NKAIN3: variants seen among roughly 807,000 people sequenced by gnomAD.
The protein encoded by NKAIN3 is sodium/potassium-transporting ATPase subunit beta-1-interacting protein 3.
In NKAIN3, 25 loss-of-function variants were observed where a neutral mutation model predicts 30.2. The ratio of observed to expected loss-of-function variants is 0.83; its 90% confidence interval spans 0.60 to 1.16. The LOEUF (loss-of-function observed/expected upper bound fraction) is 1.16. Ranked by LOEUF, NKAIN3 falls within the 50% of genes most tolerant of loss-of-function variation. The probability of loss-of-function intolerance (pLI) is 0.00; values close to 1 mark genes in which losing one functional copy is unlikely to be tolerated. For synonymous variants in NKAIN3, 91 were observed against 89.6 expected (o/e 1.02, Z -0.09); for missense variants, 225 against 254.1 (o/e 0.89, Z 0.78).
At chr8:62,424,203 G>C (rs1255529496) in intron 1 of NKAIN3, among the ~76,000 whole-genome samples, 3 of 151,864 alleles carry the variant, frequency 2.0e-5, no homozygotes, top group Non-Finnish European at 4.4e-5. Context: ...ACCTGAAACT[G>C]TAAAACCACT....
chr8:62,381,991 A>C (rs1024224630), intron 1 of NKAIN3, among the ~76,000 whole-genome samples: 7 of 152,150 alleles, frequency 4.6e-5, no homozygotes, highest in Non-Finnish European at 8.8e-5. Flanking sequence ...TAGGGACTGC[A>C]CAGCATTCAG....
At chr8:62,523,690 G>T (rs1024747470) in intron 1 of NKAIN3, among the ~76,000 whole-genome samples, 1 of 152,106 alleles carries the variant, frequency 6.6e-6, no homozygotes, top group Admixed American at 6.5e-5. Context: ...GGCCCTCCAA[G>T]GTACCTCAGT....
chr8:62,627,834 G>T (rs1811837185), intron 3 of NKAIN3, among the ~76,000 whole-genome samples: 1 of 152,112 alleles, frequency 6.6e-6, no homozygotes, highest in South Asian at 2.1e-4. Context: ...GAAGTAGACT[G>T]CTTCTACCCC....
chr8:62,287,956 T>C (rs1813435062), intron 1 of NKAIN3, among the ~76,000 whole-genome samples: 1 of 152,322 alleles, frequency 6.6e-6, no homozygotes, highest in Non-Finnish European at 1.5e-5. Context: ...CACTTCCTAG[T>C]TTCCACGTGT....
chr8:62,805,648 A>G (rs1160930265), intron 4 of NKAIN3, among the ~76,000 whole-genome samples: 1 of 152,200 alleles, frequency 6.6e-6, no homozygotes, highest in Non-Finnish European at 1.5e-5. Context: ...TACAAAAATT[A>G]ATTCACGATG....
At chr8:62,865,382 T>G (rs1225207868) in intron 4 of NKAIN3, among the ~76,000 whole-genome samples, 1 of 152,212 alleles carries the variant, frequency 6.6e-6, no homozygotes, top group Non-Finnish European at 1.5e-5. Flanking sequence ...TGACTCTCAT[T>G]CTTTAACAGG....
chr8:62,706,177 G>C (rs568895493), intron 3 of NKAIN3, among the ~76,000 whole-genome samples: 1 of 152,242 alleles, frequency 6.6e-6, no homozygotes, highest in Admixed American at 6.5e-5. Flanking sequence ...GTAGAAGAAA[G>C]AGCTGGGGGT....
At chr8:62,641,529 A>G (rs1232134057) in intron 3 of NKAIN3, among the ~76,000 whole-genome samples, 1 of 152,186 alleles carries the variant, frequency 6.6e-6, no homozygotes, top group African/African-American at 2.4e-5. Context: ...GGTTTTTGAT[A>G]AGTGGTTGGG....
Position 62,369,764 on chromosome 8 carries a change from T to G in NKAIN3, c.54+120637T>G, listed in dbSNP as rs766703187. Among the ~76,000 whole-genome samples, 68 of 149,942 alleles carry G rather than the reference T, an allele frequency of 4.5e-4. 1 individual carries two copies. The highest frequency in any genetic ancestry group is 9.1e-4 in the Non-Finnish European group (61 of 67,232). ...TTTGAACTCCCCCCAAGTCTGTTGT[T>G]TTTTTTTTTAAGAGAATTGTAACTA... On this transcript the variant is annotated intron_variant, in intron 1 of 6. Transcript: ENST00000623646.
chr8:62,789,124 A>G (rs946681143), intron 4 of NKAIN3, among the ~76,000 whole-genome samples: 2 of 152,096 alleles, frequency 1.3e-5, no homozygotes, highest in African/African-American at 4.8e-5. Flanking sequence ...TACCTTGGGC[A>G]GTATGGCCAT....
At chr8:62,438,580 G>T (rs530789858) in intron 1 of NKAIN3, among the ~76,000 whole-genome samples, 1 of 151,650 alleles carries the variant, frequency 6.6e-6, no homozygotes, top group East Asian at 1.9e-4. Flanking sequence ...TTTTTTCTTT[G>T]AGAAGGAGGC....
chr8:62,859,507 C>CAAAAAAAAAAAAAAAAAAAAAAAAAAAAA (rs1563597734), intron 4 of NKAIN3, among the ~76,000 whole-genome samples: 1 of 9,934 alleles, frequency 1.0e-4, no homozygotes, highest in Admixed American at 9.8e-4. Flanking sequence ...CTTACTTCAA[C>CAAAAAAAAAAAAAAAAAAAAAAAAAAAAA]TAAAAAAAAA....
intron 4 of NKAIN3, among the ~76,000 whole-genome samples, chr8:62,822,728 C>T (rs1032008847): frequency 2.6e-5 from 4 of 152,072 alleles, no homozygotes; most frequent in East Asian, 3.9e-4. Flanking sequence ...TTCCTTTTGC[C>T]GAAGGTGTTT....
At chr8:62,804,021 G>T (rs947395727) in intron 4 of NKAIN3, among the ~76,000 whole-genome samples, 1 of 152,168 alleles carries the variant, frequency 6.6e-6, no homozygotes, top group Non-Finnish European at 1.5e-5. Context: ...TAGCAGAAAT[G>T]GATAAATTCC....
intron 1 of NKAIN3, among the ~76,000 whole-genome samples, chr8:62,574,581 A>G (rs2130035504): frequency 6.6e-6 from 1 of 152,272 alleles, no homozygotes; most frequent in African/African-American, 2.4e-5. Flanking sequence ...ACAGACACAT[A>G]GATTAATGGA....
chr8:62,526,694 A>T (rs888242840), intron 1 of NKAIN3, among the ~76,000 whole-genome samples: 4 of 152,106 alleles, frequency 2.6e-5, no homozygotes, highest in Admixed American at 6.6e-5. Flanking sequence ...ATTAGATCTA[A>T]AATGGACTTC....
At chr8:62,733,344 A>C (rs767025778) in intron 3 of NKAIN3, among the ~76,000 whole-genome samples, 34 of 152,296 alleles carry the variant, frequency 2.2e-4, no homozygotes, top group Middle Eastern at 3.4e-3. Context: ...ACACTTAGGA[A>C]GTTCCATTGG....
At chr8:62,281,918 TA>T (rs1339474041) in intron 1 of NKAIN3, among the ~76,000 whole-genome samples, 1 of 151,928 alleles carries the variant, frequency 6.6e-6, no homozygotes, top group Non-Finnish European at 1.5e-5. Flanking sequence ...AATTTTTTTT[TA>T]AAAAAGCATG....
At chr8:62,712,780 C>G (rs925677621) in intron 3 of NKAIN3, among the ~76,000 whole-genome samples, 3 of 152,184 alleles carry the variant, frequency 2.0e-5, no homozygotes, top group African/African-American at 7.2e-5. Context: ...CAAAGCTCAA[C>G]TAGAGATTTC....
Sources: allele counts gnomAD v4.1 joint callset (sites outside exome capture counted in the v4.1 genomes callset), GRCh38; gene constraint gnomAD v4.1.1; transcripts MANE v1.5; gene names NCBI Gene and HGNC (gene_info 2026-07-23, HGNC 2026-07-21).